Variants in DIP2C observed in about 807,000 individuals in gnomAD.
The protein encoded by DIP2C is disco-interacting protein 2 homolog C.
DIP2C carries 33 observed loss-of-function variants against 192.4 expected under a neutral mutation model. That is an observed-to-expected ratio of 0.17 (90% confidence interval 0.13 to 0.23). DIP2C has a LOEUF of 0.23. Ranked by LOEUF, DIP2C falls within the 10% of genes least tolerant of loss-of-function variation. The pLI, the probability that DIP2C is intolerant of heterozygous loss-of-function variation, is 1.00. For missense variants in DIP2C, 1,537 were observed against 2,110.1 expected, an observed-to-expected ratio of 0.73 and a Z score of 5.32; for synonymous variants, 979 against 864.1, an observed-to-expected ratio of 1.13 and a Z score of -2.33.
rs191940489 is a variant in DIP2C, at chr10:515,827, C to T, written c.86-29297G>A. ...GGCAATGGTTATCACCTGATTTTCA[C>T]ACAATAGATAAAATTCTATTCTCGT... On this transcript the variant is annotated intron_variant, in intron 1 of 36. Coordinates refer to ENST00000280886, the MANE Select transcript of DIP2C (RefSeq NM_014974.3). Among the ~76,000 whole-genome samples the T allele has an allele frequency of 1.5e-3, 235 of 152,252 alleles. 1 individual carries two copies. Among genetic ancestry groups the T allele is most frequent in the Non-Finnish European group, 2.7e-3 (187 of 68,022 alleles).
chr10:407,531 T>A (rs1564671613), intron 9 of DIP2C, among the ~76,000 whole-genome samples: 2 of 152,160 alleles, frequency 1.3e-5, no homozygotes. Context: ...GGCTGCACCA[T>A]TTTACACTGT....
intron 1 of DIP2C, among the ~76,000 whole-genome samples, chr10:501,438 A>C (rs1845221108): frequency 2.6e-5 from 4 of 152,180 alleles, no homozygotes; most frequent in African/African-American, 4.8e-5. Flanking sequence ...TTATGAAACA[A>C]ACCTGTTTAT....
At chr10:386,469 C>T (rs1002565536) in intron 14 of DIP2C, among the ~76,000 whole-genome samples, 1 of 152,078 alleles carries the variant, frequency 6.6e-6, no homozygotes, top group Admixed American at 6.5e-5. Context: ...TGGGAACAAG[C>T]TGCTCCATCT....
chr10:379,184 ACG>A (rs1962064644), intron 17 of DIP2C, among the ~76,000 whole-genome samples: 2 of 13,246 alleles, frequency 1.5e-4, no homozygotes, highest in African/African-American at 3.9e-4. Context: ...CCCGAGTGCC[ACG>A]CCCCCCCCCC....
chr10:587,583 T>C (rs558259642), intron 1 of DIP2C, among the ~76,000 whole-genome samples: 1 of 151,088 alleles, frequency 6.6e-6, no homozygotes, highest in Non-Finnish European at 1.5e-5. Context: ...CTGACCCTCC[T>C]GAAACCCCAC....
intron 32 of DIP2C, among the ~76,000 whole-genome samples, chr10:308,233 T>C (rs1448867744): frequency 6.6e-6 from 1 of 152,116 alleles, no homozygotes; most frequent in Non-Finnish European, 1.5e-5. Context: ...CCCTCGGCAC[T>C]GCTCAAGGGT....
intron 1 of DIP2C, among the ~76,000 whole-genome samples, chr10:680,369 C>A (rs1378801083): frequency 6.6e-6 from 1 of 152,222 alleles, no homozygotes; most frequent in Non-Finnish European, 1.5e-5. Flanking sequence ...CTGCCCCTCT[C>A]CCAACAATGG....
At chr10:404,762 T>A (rs939584400) in intron 9 of DIP2C, among the ~76,000 whole-genome samples, 2 of 152,244 alleles carry the variant, frequency 1.3e-5, no homozygotes, top group African/African-American at 4.8e-5. Context: ...GGAATTTCTA[T>A]AGTCCACTAC....
intron 1 of DIP2C, among the ~76,000 whole-genome samples, chr10:525,726 C>T (rs1847013810): frequency 1.3e-5 from 2 of 152,148 alleles, no homozygotes; most frequent in Admixed American, 6.5e-5. Context: ...CCCCGTACAC[C>T]CATCAGCACA....
chr10:476,898 G>A, intron 2 of DIP2C, among the ~76,000 whole-genome samples: 1 of 151,878 alleles, frequency 6.6e-6, no homozygotes, highest in Non-Finnish European at 1.5e-5. Flanking sequence ...GGCATCTGTT[G>A]GGATCCTGGA....
At chr10:288,000 T>C (rs1421926686) in intron 33 of DIP2C, among the ~76,000 whole-genome samples, 2 of 152,192 alleles carry the variant, frequency 1.3e-5, no homozygotes. Flanking sequence ...TTTGTTCTCT[T>C]CTTTTTCTGT....
At chr10:417,618 C>T (rs1965737234) in intron 6 of DIP2C, among the ~76,000 whole-genome samples, 1 of 146,634 alleles carries the variant, frequency 6.8e-6, no homozygotes, top group African/African-American at 2.6e-5. Flanking sequence ...CCCTGTCTGC[C>T]TGCGCCTGTC....
At chr10:525,164 CAT>C (rs1491516238) in intron 1 of DIP2C, among the ~76,000 whole-genome samples, 2 of 152,086 alleles carry the variant, frequency 1.3e-5, no homozygotes, top group African/African-American at 4.8e-5. Context: ...AAACCCACAG[CAT>C]ATCTCTTTTG....
chr10:428,379 T>C (rs572020632), intron 4 of DIP2C, among the ~76,000 whole-genome samples: 1 of 152,342 alleles, frequency 6.6e-6, no homozygotes, highest in Non-Finnish European at 1.5e-5. Flanking sequence ...TGTGTGTGAA[T>C]GTGTCGTTTC....
At chr10:649,382 G>A (rs952346518) in intron 1 of DIP2C, among the ~76,000 whole-genome samples, 11 of 152,224 alleles carry the variant, frequency 7.2e-5, no homozygotes, top group Non-Finnish European at 1.3e-4. Context: ...GAGGGTGGGA[G>A]GGAACAGAGG....
At chr10:670,369 T>C (rs575812363) in intron 1 of DIP2C, among the ~76,000 whole-genome samples, 135 of 152,014 alleles carry the variant, frequency 8.9e-4, no homozygotes, top group Middle Eastern at 3.4e-3. Flanking sequence ...CATACACACA[T>C]GCACACACAT....
At chr10:390,719 C>T in intron 11 of DIP2C, 21 bp downstream of exon 11, 1 of 1,609,328 alleles carries the variant, frequency 6.2e-7, no homozygotes, top group Non-Finnish European at 8.5e-7. Context: ...CATGCGAGCT[C>T]TCGGAGGCTC....
Position 491,545 on chromosome 10 carries a change from A to G in DIP2C, c.86-5015T>C, listed in dbSNP as rs148657019. On this transcript the variant is annotated intron_variant, in intron 1 of 36. Coordinates refer to ENST00000280886, the MANE Select transcript of DIP2C (RefSeq NM_014974.3). ...TGTACCCCTCGCCTGCACTGGGGAC[A>G]GGGGCAGGAGGACCTGGGATGTCCT... Among the ~76,000 whole-genome samples, 1,417 of 152,302 alleles carry G rather than the reference A, an allele frequency of 9.3e-3. 32 individuals are homozygous for G. The highest frequency in any genetic ancestry group is 0.032 in the African/African-American group (1,340 of 41,576).
chr10:469,769 C>T (rs1325071231), intron 3 of DIP2C, among the ~76,000 whole-genome samples: 2 of 152,226 alleles, frequency 1.3e-5, no homozygotes, highest in Non-Finnish European at 2.9e-5. Flanking sequence ...TCTAGTGGAT[C>T]CCATCATCTT....
Sources: gnomAD v4.1 joint callset for allele counts (sites outside exome capture counted in the v4.1 genomes callset) on GRCh38, gnomAD v4.1.1 for gene constraint, MANE v1.5 for transcripts, NCBI Gene and HGNC (gene_info 2026-07-23, HGNC 2026-07-21) for gene names.